SNRPD3: variants seen among roughly 807,000 people sequenced by gnomAD.
SNRPD3 encodes the protein small nuclear ribonucleoprotein Sm D3.
For missense variants in SNRPD3, 73 were observed against 167.5 expected (o/e 0.44, Z 3.11); for synonymous variants, 66 against 58.4 (o/e 1.13, Z -0.59).
At position 24,574,518 on chromosome 22, in the gene SNRPD3, A is replaced by G. The variant is rs9830; in HGVS notation, c.*2541A>G. ...TTTACCTCCATGTCTCAATATGAAC[A>G]TGTTTTCATGACTATTCCTTGATGG... On this transcript the variant is annotated 3_prime_UTR_variant, in exon 4 of 4. Transcript: ENST00000215829. 0.2 allele frequency among the ~76,000 whole-genome samples: 30,826 copies of G among 152,060 alleles called. 3,604 individuals carry two copies. Among genetic ancestry groups the G allele is most frequent in the African/African-American group, 0.32 (13,315 of 41,444 alleles).
rs1198490423 is a variant in SNRPD3 at position 24,563,278 on chromosome 22, ATG to A, written c.127-4692_127-4691del. On this transcript the variant is annotated intron_variant, in intron 2 of 3. Transcript: ENST00000215829. Reference sequence around the variant, plus strand: ...TGTATGTATATATGTATGTATATATATGTGTGTGTGTGTGTATATATATATAT... The same window carrying A: ...TGTATGTATATATGTATGTATATATATGTGTGTGTGTGTATATATATATAT... Among the ~76,000 whole-genome samples the A allele has an allele frequency of 5.3e-3, 756 of 143,596 alleles. 4 individuals are homozygous for A. The highest frequency in any genetic ancestry group is 0.011 in the Middle Eastern group (3 of 274). The allele number at this position is 143,596 out of a possible 152,430, so 94.2% of individuals were successfully genotyped here.
At chr22:24,559,863 G>A (rs2045115830) in intron 2 of SNRPD3, among the ~76,000 whole-genome samples, 1 of 152,040 alleles carries the variant, frequency 6.6e-6, no homozygotes, top group African/African-American at 2.4e-5. Context: ...TCTGAAGGCT[G>A]GAAGTCTGAG....
intron 2 of SNRPD3, among the ~76,000 whole-genome samples, chr22:24,559,944 T>A (rs1317587573): frequency 6.6e-6 from 1 of 152,068 alleles, no homozygotes; most frequent in African/African-American, 2.4e-5. Context: ...CCTCTCTCCT[T>A]GCTTATATAT....
Position 24,572,031 on chromosome 22 carries a change from A to T in SNRPD3, c.*54A>T, listed in dbSNP as rs2045255021. The T allele has an allele frequency of 6.2e-7, 1 of 1,608,640 alleles. No individual in the cohort carries two copies. Among genetic ancestry groups the T allele is most frequent in the East Asian group, 2.2e-5 (1 of 44,502 alleles). On this transcript the variant is annotated 3_prime_UTR_variant, in exon 4 of 4. Coordinates refer to ENST00000215829, the MANE Select transcript of SNRPD3 (RefSeq NM_004175.5). ...TTTTTCTTTCAGGTTATCTGAGTTC[A>T]TTGGAGTGGGTGCTTGTGCATATAT...
At position 24,562,230 on chromosome 22, in the gene SNRPD3, C is replaced by CA. The variant is rs2045150228; in HGVS notation, c.126+4436dup. Reference sequence around the variant, plus strand: ...GTTAGACCCTGTCTCTTCTGAAAAGCAAAAAAGTTTAAAAATTATCTGGAT... The same window carrying CA: ...GTTAGACCCTGTCTCTTCTGAAAAGCAAAAAAAGTTTAAAAATTATCTGGAT... On this transcript the variant is annotated intron_variant, in intron 2 of 3. Transcript: ENST00000215829. 2.0e-5 allele frequency among the ~76,000 whole-genome samples: 3 copies of CA among 152,240 alleles called. No individual in the cohort carries two copies. In the South Asian group the frequency reaches 6.2e-4, roughly 32 times the overall value.
upstream of SNRPD3, chr22:24,555,786 G>T: frequency 6.5e-7 from 1 of 1,549,800 alleles, no homozygotes; most frequent in Non-Finnish European, 8.7e-7. Flanking sequence ...GCTCTTTGCC[G>T]GCCCCAAGGG....
upstream of SNRPD3, chr22:24,555,731 C>T: frequency 6.4e-7 from 1 of 1,550,674 alleles, no homozygotes; most frequent in Non-Finnish European, 8.7e-7. Context: ...TGCCGTCCAG[C>T]CTGTCCTTGG....
chr22:24,560,722 T>C (rs1411163481), intron 2 of SNRPD3, among the ~76,000 whole-genome samples: 14,163 of 27,360 alleles, frequency 0.52, 3,785 homozygotes, highest in Non-Finnish European at 0.58. Flanking sequence ...GGCCTTTTTT[T>C]TTTTTTTTTT....
At position 24,557,673 on chromosome 22, in the gene SNRPD3, A is replaced by C; in HGVS notation, c.-2A>C. On this transcript the variant is annotated 5_prime_UTR_variant, in exon 2 of 4. Transcript: ENST00000215829. The stretch of plus-strand genomic sequence containing the variant: ...TCATTGTAGAACTCTCTTCCTGCCA[A>C]GATGTCTATTGGTGTGCCGATTAAA... The C allele has an allele frequency of 6.2e-7, 1 of 1,612,504 alleles. No individual in the cohort carries two copies.
chr22:24,565,831 T>C (rs1433031096), intron 2 of SNRPD3, among the ~76,000 whole-genome samples: 1 of 152,088 alleles, frequency 6.6e-6, no homozygotes, highest in Non-Finnish European at 1.5e-5. Context: ...CGGCTAATTT[T>C]TGTATTTTTA....
In SNRPD3 at chr22:24,560,710, C is replaced by A. The variant is rs62231175; in HGVS notation, c.126+2910C>A. ...GGATTACAGGCGTGAGCCACTGCAC[C>A]TGGCCTTTTTTTTTTTTTTTTTTTT... On this transcript the variant is annotated intron_variant, in intron 2 of 3. Transcript: ENST00000215829. Among the ~76,000 whole-genome samples the A allele has an allele frequency of 1.6e-5, 2 of 124,730 alleles. 1 individual carries two copies. The highest frequency in any genetic ancestry group is 6.1e-5 in the African/African-American group (2 of 32,982). The allele number at this position is 124,730 out of a possible 152,430, so 81.8% of individuals were successfully genotyped here.
chr22:24,566,246 T>C (rs953907602), intron 2 of SNRPD3, among the ~76,000 whole-genome samples: 5 of 152,140 alleles, frequency 3.3e-5, no homozygotes, highest in Admixed American at 1.3e-4. Flanking sequence ...ACTGCTCATA[T>C]ACAACAGGGG....
chr22:24,556,199 A>T, intron 1 of SNRPD3, 128 bp downstream of exon 1: 2 of 362,594 alleles, frequency 5.5e-6, no homozygotes. Flanking sequence ...GGCCACCCAA[A>T]CATCAGCGTC....
intron 2 of SNRPD3, among the ~76,000 whole-genome samples, chr22:24,563,240 GTGTA>G (rs2045162818): frequency 7.7e-6 from 1 of 129,082 alleles, no homozygotes; most frequent in Non-Finnish European, 1.6e-5. Flanking sequence ...GTGTGTGTGT[GTGTA>G]TGTGTGTATG....
chr22:24,569,572 A>C (rs1476571143), intron 3 of SNRPD3, among the ~76,000 whole-genome samples: 1 of 152,176 alleles, frequency 6.6e-6, no homozygotes, highest in East Asian at 1.9e-4. Flanking sequence ...GGTGTCCTTC[A>C]GTTCTGACAC....
rs2045056868 is a variant in SNRPD3, at chr22:24,556,069, C to T, written c.-21C>T. On this transcript the variant is annotated splice_region_variant and 5_prime_UTR_variant, in exon 1 of 4. Transcript: ENST00000215829. ...CGAAGAGAAGAAAAGTAGGCCAGAGCCGGTGAGGCTGGGGACGGGCGAGGG... is the reference window on the plus strand; with the variant it reads ...CGAAGAGAAGAAAAGTAGGCCAGAGTCGGTGAGGCTGGGGACGGGCGAGGG... 1 of 599,720 alleles carries T rather than the reference C, an allele frequency of 1.7e-6. No homozygotes were observed. Among genetic ancestry groups the T allele is most frequent in the Non-Finnish European group, 3.0e-6 (1 of 338,834 alleles). 37.1% of individuals were successfully genotyped at this position (599,720 alleles called of 1,614,324 possible). A position where few individuals can be genotyped will look rare whatever the true frequency, so the allele number is the denominator to read the frequency against.
chr22:24,559,488 T>A (rs1167001393), intron 2 of SNRPD3, among the ~76,000 whole-genome samples: 2 of 152,220 alleles, frequency 1.3e-5, no homozygotes, highest in Non-Finnish European at 2.9e-5. Flanking sequence ...TTGCTGGGTT[T>A]CCAGGGCCTT....
intron 2 of SNRPD3, among the ~76,000 whole-genome samples, chr22:24,567,271 C>T (rs969272176): frequency 2.6e-5 from 4 of 152,118 alleles, no homozygotes; most frequent in Non-Finnish European, 2.9e-5. Context: ...CAGTTTGGAC[C>T]AGCAGTTTGA....
chr22:24,571,853 C>T, intron 3 of SNRPD3, 63 bp from the exon 4 acceptor site: 1 of 1,574,962 alleles, frequency 6.3e-7, no homozygotes. Flanking sequence ...GCCCTGGCTA[C>T]TCTGTGCTAT....
Sources: allele counts gnomAD v4.1 joint callset (sites outside exome capture counted in the v4.1 genomes callset), GRCh38; gene constraint gnomAD v4.1.1; transcripts MANE v1.5; gene names NCBI Gene and HGNC (gene_info 2026-07-23, HGNC 2026-07-21).